BCAR3: variants seen among roughly 807,000 people sequenced by gnomAD.
BCAR3 encodes breast cancer anti-estrogen resistance protein 3.
BCAR3 carries 37 observed loss-of-function variants against 80.1 expected under a neutral mutation model. That is an observed-to-expected ratio of 0.46 (90% confidence interval 0.36 to 0.61). The LOEUF is 0.61. Among genes scored for constraint, BCAR3 ranks in the 20% least tolerant of loss-of-function variants. The pLI, the probability that BCAR3 is intolerant of heterozygous loss-of-function variation, is 0.00. For synonymous variants in BCAR3, 389 were observed against 418.9 expected, an observed-to-expected ratio of 0.93 and a Z score of 0.87; for missense variants, 978 against 1,068.2, an observed-to-expected ratio of 0.92 and a Z score of 1.18.
chr1:93,561,953 T>C lies in BCAR3; in HGVS notation c.*288A>G, dbSNP rs934567835. On this transcript the variant is annotated 3_prime_UTR_variant, in exon 12 of 12. Transcript: ENST00000260502. The stretch of plus-strand genomic sequence containing the variant: ...AAACTAAAATGGTCAAATACCATGA[T>C]AATAGAAAGCAACCAGCCAACATAG... 4.7e-5 allele frequency: 12 copies of C among 257,722 alleles called. No homozygotes were observed. The highest frequency in any genetic ancestry group is 1.2e-3 in the Middle Eastern group (1 of 848). The allele number at this position is 257,722 out of a possible 1,614,324, so 16.0% of individuals were successfully genotyped here.
intron 2 of BCAR3, among the ~76,000 whole-genome samples, chr1:93,660,230 C>T (rs1401103914): frequency 6.6e-6 from 1 of 152,170 alleles, no homozygotes; most frequent in Non-Finnish European, 1.5e-5. Flanking sequence ...GATAATTTAG[C>T]CACAGGCCAG....
At chr1:93,816,670 C>CAA (rs60051218) in intron 2 of BCAR3, among the ~76,000 whole-genome samples, 88 of 53,842 alleles carry the variant, frequency 1.6e-3, no homozygotes, top group Non-Finnish European at 2.1e-3. Flanking sequence ...GACTCCATCT[C>CAA]AAAAAAAAAA....
At chr1:93,813,578 C>T (rs938493675) in intron 2 of BCAR3, among the ~76,000 whole-genome samples, 2 of 152,184 alleles carry the variant, frequency 1.3e-5, no homozygotes, top group African/African-American at 4.8e-5. Flanking sequence ...TTTCATTGTG[C>T]TCCATTTCTT....
chr1:93,664,895 G>A (rs1306609399), intron 2 of BCAR3, among the ~76,000 whole-genome samples: 1 of 152,062 alleles, frequency 6.6e-6, no homozygotes, highest in Non-Finnish European at 1.5e-5. Flanking sequence ...CTATCTATCT[G>A]CCCTTCCTCC....
chr1:93,731,076 A>G (rs569682230), intron 2 of BCAR3, among the ~76,000 whole-genome samples: 1 of 152,320 alleles, frequency 6.6e-6, no homozygotes, highest in South Asian at 2.1e-4. Context: ...AAACCAAGGG[A>G]CAATCTACAA....
intron 2 of BCAR3, among the ~76,000 whole-genome samples, chr1:93,654,564 C>T (rs1039105354): frequency 3.3e-5 from 5 of 152,178 alleles, no homozygotes; most frequent in Admixed American, 1.3e-4. Context: ...CTACAGAAAC[C>T]GTGAGGTAAT....
At chr1:93,600,173 G>C (rs1426336334) in intron 3 of BCAR3, among the ~76,000 whole-genome samples, 1 of 152,180 alleles carries the variant, frequency 6.6e-6, no homozygotes, top group Non-Finnish European at 1.5e-5. Context: ...GCCAGGGTTC[G>C]GGCCTGGTCC....
At chr1:93,748,132 T>C (rs893043420) in intron 2 of BCAR3, among the ~76,000 whole-genome samples, 9 of 152,168 alleles carry the variant, frequency 5.9e-5, no homozygotes, top group African/African-American at 1.9e-4. Flanking sequence ...AACACTTCTT[T>C]AGTGAATGCC....
chr1:93,571,696 G>A lies in BCAR3; in HGVS notation c.1948C>T (p.Leu650Phe), dbSNP rs372252150. The stretch of plus-strand genomic sequence containing the variant: ...TGTGGCATTTCCAGGGCTTTCATGA[G>A]AGCTGAGAAGGAATAGAGGTCCCCC... Reference protein sequence around the residue: ...SMGDLYSFSALMKALEMPQIT... With the variant: ...SMGDLYSFSAFMKALEMPQIT... Residue 650 changes from leucine to phenylalanine, a missense_variant, in exon 9 of 12, where the codon CTC becomes TTC. By Grantham distance (22) the Leu-to-Phe change is conservative. Coordinates refer to ENST00000260502, the MANE Select transcript of BCAR3 (RefSeq NM_003567.4). 1.7e-5 allele frequency: 27 copies of A among 1,614,022 alleles called. No individual in the cohort carries two copies. In the African/African-American group the frequency reaches 3.5e-4, roughly 21 times the overall value.
At chr1:93,830,267 C>A (rs1654512308) in intron 2 of BCAR3, among the ~76,000 whole-genome samples, 1 of 152,142 alleles carries the variant, frequency 6.6e-6, no homozygotes, top group Non-Finnish European at 1.5e-5. Context: ...TCGAGACCAA[C>A]CTGGCCAACA....
intron 2 of BCAR3, among the ~76,000 whole-genome samples, chr1:93,649,351 C>T (rs1010215360): frequency 1.3e-5 from 2 of 152,188 alleles, no homozygotes; most frequent in African/African-American, 2.4e-5. Context: ...GGGGACACTG[C>T]TAACTGCAGC....
Position 93,606,677 on chromosome 1 carries a change from C to T in BCAR3, c.358-14284G>A, listed in dbSNP as rs151145023. ...ACTGGAGAGCCTATCTGGAGAACTA[C>T]GGCTTGGGAGTCCTCAGTATAGAGG... is the stretch of plus-strand genomic sequence containing the variant. On this transcript the variant is annotated intron_variant, in intron 3 of 11. Transcript: ENST00000260502. Among the ~76,000 whole-genome samples the T allele has an allele frequency of 3.3e-5, 5 of 152,204 alleles. No individual in the cohort carries two copies. The East Asian group carries it at 9.7e-4, about 29-fold the overall frequency.
intron 2 of BCAR3, among the ~76,000 whole-genome samples, chr1:93,661,142 T>C (rs950805938): frequency 4.0e-5 from 6 of 151,436 alleles, no homozygotes; most frequent in Admixed American, 2.6e-4. Flanking sequence ...CGGGTTCAAG[T>C]GATTCTCCTG....
intron 2 of BCAR3, among the ~76,000 whole-genome samples, chr1:93,670,118 T>C (rs1648136137): frequency 6.6e-6 from 1 of 152,170 alleles, no homozygotes; most frequent in African/African-American, 2.4e-5. Context: ...TAAAAATTCA[T>C]CCTTGAAGAT....
rs1161786005 is a variant in BCAR3 at position 93,568,054 on chromosome 1, C to T, written c.1975-203G>A. Reference sequence around the variant, plus strand: ...TACAAAAATTAGCCAGGCGTGGTGGCGTGTGCCTGTAATCCCAGCTACTCG... The same window carrying T: ...TACAAAAATTAGCCAGGCGTGGTGGTGTGTGCCTGTAATCCCAGCTACTCG... On this transcript the variant is annotated intron_variant, in intron 9 of 11. Transcript: ENST00000260502. 14 of 463,278 alleles carry T rather than the reference C, an allele frequency of 3.0e-5. 1 individual carries two copies. In the Admixed American group the frequency reaches 4.8e-4, roughly 16 times the overall value. The allele number at this position is 463,278 out of a possible 1,614,324, so 28.7% of individuals were successfully genotyped here.
intron 3 of BCAR3, among the ~76,000 whole-genome samples, chr1:93,698,943 C>T (rs74101674): frequency 0.038 from 5,828 of 152,288 alleles, 135 homozygotes; most frequent in Middle Eastern, 0.071. Context: ...ACAAGGGAAT[C>T]GTGCCTCCTG....
chr1:93,799,939 A>C (rs1183865575), intron 2 of BCAR3, among the ~76,000 whole-genome samples: 2 of 152,352 alleles, frequency 1.3e-5, no homozygotes, highest in Admixed American at 1.3e-4. Context: ...GGTATGTTAA[A>C]TAAAGGAGTG....
In BCAR3 at chr1:93,830,529, C is replaced by T. The variant is rs113585448; in HGVS notation, c.-63+15038G>A. Among the ~76,000 whole-genome samples the T allele has an allele frequency of 7.9e-4, 121 of 152,280 alleles. 1 individual carries two copies. The highest frequency in any genetic ancestry group is 2.3e-3 in the African/African-American group (94 of 41,552). ...CCTGCTCCTGGCTCAGAAGCTCCCC[C>T]ACTGAGCATCTTCTGATCCCCGCCC... On this transcript the variant is annotated intron_variant, in intron 2 of 13. Transcript: ENST00000370244.
intron 3 of BCAR3, chr1:93,594,580 T>C (rs1674348861): frequency 1.3e-5 from 2 of 152,336 alleles, no homozygotes; most frequent in Non-Finnish European, 2.9e-5. Context: ...ATCTACCTTA[T>C]GGAAGCCTGT....
Sources: gnomAD v4.1 joint callset for allele counts (sites outside exome capture counted in the v4.1 genomes callset) on GRCh38, gnomAD v4.1.1 for gene constraint, MANE v1.5 for transcripts, NCBI Gene and HGNC (gene_info 2026-07-23, HGNC 2026-07-21) for gene names.